The following MEPCE variants were observed in gnomAD, a reference collection of about 807,000 sequenced individuals.
MEPCE encodes the protein 7SK snRNA methylphosphate capping enzyme.
MEPCE carries 9 observed loss-of-function variants against 52.3 expected under a neutral mutation model. The ratio of observed to expected loss-of-function variants is 0.17; its 90% confidence interval spans 0.10 to 0.30. The LOEUF (loss-of-function observed/expected upper bound fraction) is 0.30. Among genes scored for constraint, MEPCE ranks in the 10% least tolerant of loss-of-function variants. The pLI is 1.00. For synonymous variants in MEPCE, 477 were observed against 401.6 expected (o/e 1.19, Z -2.25); for missense variants, 826 against 933.0 (o/e 0.89, Z 1.49).
In MEPCE at chr7:100,431,179, C is replaced by T; in HGVS notation, c.1161C>T (p.Gly387=). The T allele has an allele frequency of 6.2e-7, 1 of 1,613,672 alleles. No individual in the cohort carries two copies. The highest frequency in any genetic ancestry group is 8.5e-7 in the Non-Finnish European group (1 of 1,180,010). ...GAGGCCAGGGTTCCAAGGAAAAGGG[C>T]CGAGGGAGTTGGGGAGGCCGCCACC... ...RGGGQGSKEK[G]RGSWGGRHHH... is the part of the protein sequence containing the mutation. Residue 387 remains glycine, a synonymous_variant, in exon 1 of 4, where the codon GGC becomes GGT. Transcript: ENST00000310512.
rs772813691 is a variant in MEPCE at position 100,430,752 on chromosome 7, C to T, written c.734C>T (p.Thr245Ile). ...ITDPLSLNTC[T>I]DEGHVVLASP... Reference sequence around the variant, plus strand: ...GACCCGCTCAGTCTCAATACTTGCACTGATGAGGGCCATGTAGTTCTTGCT... The same window carrying T: ...GACCCGCTCAGTCTCAATACTTGCATTGATGAGGGCCATGTAGTTCTTGCT... The change falls in exon 1 of 4, where the codon ACT becomes ATT. Residue 245 changes from threonine (T) to isoleucine (I), a missense_variant. Around this residue, in one of 7 missense-constraint regions of MEPCE, gnomAD observed 307 missense variants for 292.1 expected, o/e 1.05. Transcript: ENST00000310512. 1.9e-6 allele frequency: 3 copies of T among 1,613,964 alleles called. No homozygotes were observed. Among genetic ancestry groups the T allele is most frequent in the South Asian group, 2.2e-5 (2 of 91,082 alleles).
upstream of MEPCE, chr7:100,429,729 C>G (rs531598835): frequency 1.5e-5 from 5 of 332,740 alleles, no homozygotes; most frequent in African/African-American, 6.3e-5. Flanking sequence ...GCGAAGGGAA[C>G]GCGCGCTCAC....
At position 100,432,833 on chromosome 7, in the gene MEPCE, GACTGTATCGGC is replaced by G. The variant is rs1347795180; in HGVS notation, c.1672-85_1672-75del. 4 of 1,204,686 alleles carry G rather than the reference GACTGTATCGGC, an allele frequency of 3.3e-6. No homozygotes were observed. The African/African-American group carries it at 6.0e-5, about 18-fold the overall frequency. The allele number at this position is 1,204,686 out of a possible 1,614,324, so 74.6% of individuals were successfully genotyped here. ...GCCACGGGCTAAAGTGAGGCCGCGG[GACTGTATCGGC>G]CTCAGAGCAGGTTGCCTGGGAGCAG... On this transcript the variant is annotated intron_variant, in intron 1 of 3. Coordinates refer to ENST00000310512, the MANE Select transcript of MEPCE (RefSeq NM_019606.6).
upstream of MEPCE, among the ~76,000 whole-genome samples, chr7:100,429,198 G>A (rs564346248): frequency 3.4e-3 from 511 of 152,222 alleles, 6 homozygotes; most frequent in Non-Finnish European, 2.2e-3. Flanking sequence ...TAATTCATGA[G>A]CCCCGCCCTT....
chr7:100,429,223 G>GC (rs1039276481), upstream of MEPCE, among the ~76,000 whole-genome samples: 12 of 152,094 alleles, frequency 7.9e-5, no homozygotes, highest in African/African-American at 2.9e-4. Context: ...AGGAAGCCCC[G>GC]CCCCTCCGGA....
rs753741279 is a variant in MEPCE at position 100,431,242 on chromosome 7, G to A, written c.1224G>A (p.Lys408=). The A allele has an allele frequency of 2.0e-5, 33 of 1,613,980 alleles. No homozygotes were observed. The Middle Eastern group carries it at 6.6e-4, about 32-fold the overall frequency. ...CACTGCCTGCAGCAGGCTTCAAAAA[G>A]CAACAGCGCAAGTTCCAGTATGGGA... ...HHPLPAAGFK[K]QQRKFQYGNY... is the part of the protein sequence containing the mutation. The change falls in exon 1 of 4, where the codon AAG becomes AAA. Residue 408 remains lysine (K), a synonymous_variant. Transcript: ENST00000310512.
chr7:100,432,825 G>A (rs1282292658), intron 1 of MEPCE, 94 bp from the exon 2 acceptor site: 5 of 1,137,890 alleles, frequency 4.4e-6, no homozygotes, highest in Non-Finnish European at 6.5e-6. Context: ...GCTAAAGTGA[G>A]GCCGCGGGAC....
chr7:100,429,458 A>G (rs987298331), upstream of MEPCE: 1 of 152,288 alleles, frequency 6.6e-6, no homozygotes, highest in African/African-American at 2.4e-5. Flanking sequence ...TTCCTCAGGA[A>G]CAAGGGTCGG....
intron 1 of MEPCE, 103 bp downstream of exon 1, chr7:100,431,792 T>C (rs1403887635): frequency 2.5e-6 from 3 of 1,179,160 alleles, no homozygotes; most frequent in South Asian, 1.6e-5. Flanking sequence ...AAAAGAGGGG[T>C]CTGGGTTGGC....
Position 100,430,308 on chromosome 7 carries a change from A to G in MEPCE, c.290A>G (p.Glu97Gly), listed in dbSNP as rs1287210924. Residue 97 changes from glutamate (E) to glycine (G), a missense_variant, in exon 1 of 4, where the codon GAG becomes GGG. Coordinates refer to ENST00000310512, the MANE Select transcript of MEPCE (RefSeq NM_019606.6). Reference protein sequence around the residue: ...GGGPQAQSHGEARLSDPPGRA... With the variant: ...GGGPQAQSHGGARLSDPPGRA... ...GGCCCCCAGGCGCAGTCGCATGGGGAGGCCCGCCTGTCGGATCCCCCGGGG... is the reference window on the plus strand; with the variant it reads ...GGCCCCCAGGCGCAGTCGCATGGGGGGGCCCGCCTGTCGGATCCCCCGGGG... The G allele has an allele frequency of 7.1e-7, 1 of 1,417,088 alleles. No homozygotes were observed. Among genetic ancestry groups the G allele is most frequent in the Non-Finnish European group, 9.2e-7 (1 of 1,089,194 alleles). 87.8% of individuals were successfully genotyped at this position (1,417,088 alleles called of 1,614,324 possible). A position where few individuals can be genotyped will look rare whatever the true frequency, so the allele number is the denominator to read the frequency against.
Position 100,431,016 on chromosome 7 carries a change from C to T in MEPCE, c.998C>T (p.Pro333Leu). 1 of 1,613,888 alleles carries T rather than the reference C, an allele frequency of 6.2e-7. No homozygotes were observed. Among genetic ancestry groups the T allele is most frequent in the Non-Finnish European group, 8.5e-7 (1 of 1,179,986 alleles). The change falls in exon 1 of 4, where the codon CCA (proline) becomes CTA (leucine). Residue 333 changes from proline (P) to leucine (L), a missense_variant. By Grantham distance (98) the Pro-to-Leu change is moderately conservative. This residue lies in a region of MEPCE where 307 missense variants were observed against 292.1 expected (regional missense o/e 1.05). Coordinates refer to ENST00000310512, the MANE Select transcript of MEPCE (RefSeq NM_019606.6). ...NCRDEVVSPL[P>L]SALQGPSGSL... ...AGGGATGAAGTGGTGTCTCCCCTTC[C>T]ATCTGCTCTGCAGGGTCCCTCAGGC...
chr7:100,431,262 A>T lies in MEPCE; in HGVS notation c.1244A>T (p.Tyr415Phe). The T allele has an allele frequency of 6.2e-7, 1 of 1,614,102 alleles. No individual in the cohort carries two copies. Among genetic ancestry groups the T allele is most frequent in the Non-Finnish European group, 8.5e-7 (1 of 1,180,022 alleles). Residue 415 changes from tyrosine to phenylalanine, a missense_variant, in exon 1 of 4, where the codon TAT (tyrosine) becomes TTT (phenylalanine). By Grantham distance (22) the Tyr-to-Phe change is conservative. Coordinates refer to ENST00000310512, the MANE Select transcript of MEPCE (RefSeq NM_019606.6). ...AAAAAGCAACAGCGCAAGTTCCAGT[A>T]TGGGAATTATTGCAAATACTATGGG... The part of the protein sequence containing the change: ...GFKKQQRKFQ[Y>F]GNYCKYYGYR...
chr7:100,433,867 T>C lies in MEPCE; in HGVS notation c.*313T>C, dbSNP rs1202245421. 7.1e-6 allele frequency: 3 copies of C among 422,396 alleles called. No homozygotes were observed. Among genetic ancestry groups the C allele is most frequent in the Non-Finnish European group, 1.3e-5 (3 of 235,066 alleles). 26.2% of individuals were successfully genotyped at this position (422,396 alleles called of 1,614,324 possible). Reference sequence around the variant, plus strand: ...GGAGGTGGGAGGATATCAAATTCTCTAGCCCTTTCCTCCTATTCTCCCAAG... The same window carrying C: ...GGAGGTGGGAGGATATCAAATTCTCCAGCCCTTTCCTCCTATTCTCCCAAG... On this transcript the variant is annotated 3_prime_UTR_variant, in exon 4 of 4. Coordinates refer to ENST00000310512, the MANE Select transcript of MEPCE (RefSeq NM_019606.6).
At position 100,430,517 on chromosome 7, in the gene MEPCE, T is replaced by A. The variant is rs764787290; in HGVS notation, c.499T>A (p.Phe167Ile). The A allele has an allele frequency of 1.3e-6, 2 of 1,583,854 alleles. No homozygotes were observed. Among genetic ancestry groups the A allele is most frequent in the Non-Finnish European group, 1.7e-6 (2 of 1,165,056 alleles). The part of the protein sequence containing the change: ...GGGGGFKHPA[F>I]KRRRRVNSDC... ...CGGGGGAGGCTTCAAACATCCGGCCTTCAAGAGGCGCAGGCGGGTGAATTC... is the reference window on the plus strand; with the variant it reads ...CGGGGGAGGCTTCAAACATCCGGCCATCAAGAGGCGCAGGCGGGTGAATTC... The change falls in exon 1 of 4, where the codon TTC becomes ATC. Residue 167 changes from phenylalanine (F) to isoleucine (I), a missense_variant. By Grantham distance (21) the Phe-to-Ile change is conservative (BLOSUM62 0). This residue lies in a region of MEPCE where 314 missense variants were observed against 277.7 expected (regional missense o/e 1.13). Coordinates refer to ENST00000310512, the MANE Select transcript of MEPCE (RefSeq NM_019606.6).
chr7:100,429,798 G>T, upstream of MEPCE: 1 of 403,858 alleles, frequency 2.5e-6, no homozygotes, highest in Non-Finnish European at 4.3e-6. Context: ...CGCACGCGCG[G>T]TTGAGTCCTC....
In MEPCE at chr7:100,430,648, C is replaced by T. The variant is rs774199685; in HGVS notation, c.630C>T (p.Asn210=). 7.4e-6 allele frequency: 12 copies of T among 1,613,728 alleles called. No homozygotes were observed. In the South Asian group the frequency reaches 8.8e-5, roughly 12 times the overall value. Reference sequence around the variant, plus strand: ...ATGAGGAAGTGAGCCGCACTCTCAACGCGGAGACCCCTAAGTCATCCCCCC... The same window carrying T: ...ATGAGGAAGTGAGCCGCACTCTCAATGCGGAGACCCCTAAGTCATCCCCCC... ...LLDEEVSRTL[N]AETPKSSPLP... The change falls in exon 1 of 4, where the codon AAC becomes AAT. Residue 210 remains asparagine (N), a synonymous_variant. Transcript: ENST00000310512.
intron 1 of MEPCE, among the ~76,000 whole-genome samples, chr7:100,432,355 T>C (rs1798743119): frequency 6.6e-6 from 1 of 152,188 alleles, no homozygotes; most frequent in Admixed American, 6.5e-5. Context: ...CCAGTTAGGC[T>C]GCCTACTGGG....
At chr7:100,432,779 C>A in intron 1 of MEPCE, 140 bp from the exon 2 acceptor site, 1 of 756,144 alleles carries the variant, frequency 1.3e-6, no homozygotes, top group Non-Finnish European at 2.3e-6. Context: ...GGGCAGGCAC[C>A]TTTTGGGAGT....
In MEPCE at chr7:100,430,224, G is replaced by C; in HGVS notation, c.206G>C (p.Ser69Thr). Residue 69 changes from serine to threonine, a missense_variant, in exon 1 of 4, where the codon AGC (serine) becomes ACC (threonine). Physicochemically the swap from Ser to Thr is moderately conservative, Grantham distance 58. Transcript: ENST00000310512. ...GSPAAAVGRESPGAAATSSSG... is the reference protein window; with the variant it reads ...GSPAAAVGRETPGAAATSSSG... ...CCAGCCGCTGCGGTCGGTCGGGAAA[G>C]CCCCGGGGCCGCGGCCACCTCCTCC... The C allele has an allele frequency of 7.5e-7, 1 of 1,332,282 alleles. No individual in the cohort carries two copies. Among genetic ancestry groups the C allele is most frequent in the Non-Finnish European group, 9.6e-7 (1 of 1,045,852 alleles). The allele number at this position is 1,332,282 out of a possible 1,614,324, so 82.5% of individuals were successfully genotyped here.
Sources: gnomAD v4.1 joint callset for allele counts (sites outside exome capture counted in the v4.1 genomes callset) on GRCh38, gnomAD v4.1.1 for gene constraint, gnomAD v4.1.1 regional missense constraint, MANE v1.5 for transcripts, NCBI Gene and HGNC (gene_info 2026-07-23, HGNC 2026-07-21) for gene names.